HIRA: variants seen among roughly 807,000 people sequenced by gnomAD.
HIRA encodes histone cell cycle regulator.
In HIRA, 13 loss-of-function variants were observed where a neutral mutation model predicts 126.6. The ratio of observed to expected loss-of-function variants is 0.10; its 90% CI spans 0.07 to 0.16. The LOEUF (loss-of-function observed/expected upper bound fraction) is 0.16. Ranked by LOEUF, HIRA falls within the 10% of genes least tolerant of loss-of-function variation. HIRA has a pLI of 1.00. For missense variants in HIRA, 834 were observed against 1,314.4 expected, an observed-to-expected ratio of 0.63 and a Z score of 5.65; for synonymous variants, 511 against 520.0, an observed-to-expected ratio of 0.98 and a Z score of 0.24.
intron 15 of HIRA, 78 bp downstream of exon 15, chr22:19,375,553 G>C (rs1458756919): frequency 1.7e-5 from 26 of 1,491,874 alleles, no homozygotes; most frequent in Non-Finnish European, 2.4e-5. Flanking sequence ...AGGTTGCTTG[G>C]TGGGAACACT....
intron 18 of HIRA, among the ~76,000 whole-genome samples, chr22:19,358,978 C>T (rs2088838734): frequency 6.6e-6 from 1 of 152,056 alleles, no homozygotes; most frequent in Non-Finnish European, 1.5e-5. Flanking sequence ...ATCTGGGATC[C>T]AAAAAAGGAA....
At chr22:19,334,271 G>A (rs930342578) in intron 24 of HIRA, among the ~76,000 whole-genome samples, 3 of 150,558 alleles carry the variant, frequency 2.0e-5, no homozygotes, top group South Asian at 2.1e-4. Flanking sequence ...CACTGCACCC[G>A]GCCCTCATTT....
intron 14 of HIRA, among the ~76,000 whole-genome samples, chr22:19,377,656 A>G (rs933406438): frequency 3.3e-5 from 5 of 152,014 alleles, no homozygotes; most frequent in African/African-American, 1.2e-4. Flanking sequence ...GCCTTGATAC[A>G]CTCTGTGAAA....
intron 18 of HIRA, 76 bp downstream of exon 18, chr22:19,359,260 T>C: frequency 7.0e-7 from 1 of 1,432,738 alleles, no homozygotes; most frequent in Admixed American, 2.6e-5. Context: ...GCACCTCCCC[T>C]AGACAGGCCC....
intron 1 of HIRA, chr22:19,430,093 G>GTTTTAT (rs1222669063): frequency 1.3e-5 from 2 of 152,122 alleles, no homozygotes; most frequent in Non-Finnish European, 1.5e-5. Flanking sequence ...TTTCTTACCT[G>GTTTTAT]TTTTAGCCAA....
At chr22:19,344,345 C>T (rs2088663806) in intron 24 of HIRA, among the ~76,000 whole-genome samples, 1 of 152,056 alleles carries the variant, frequency 6.6e-6, no homozygotes, top group South Asian at 2.1e-4. Context: ...ACATTACAAC[C>T]AATGCCACAA....
intron 7 of HIRA, 118 bp downstream of exon 7, chr22:19,396,669 G>A (rs1181616623): frequency 4.0e-6 from 4 of 1,011,720 alleles, no homozygotes; most frequent in African/African-American, 1.6e-5. Flanking sequence ...TCAGGCCCCC[G>A]GACTCTGTGC....
chr22:19,404,734 C>T (rs1466254441), intron 5 of HIRA, among the ~76,000 whole-genome samples: 3 of 152,176 alleles, frequency 2.0e-5, no homozygotes, highest in African/African-American at 7.2e-5. Flanking sequence ...CCAGGGGCAA[C>T]TCCATTCTGA....
intron 1 of HIRA, among the ~76,000 whole-genome samples, chr22:19,425,471 C>T (rs1469492774): frequency 6.6e-6 from 1 of 152,108 alleles, no homozygotes; most frequent in Non-Finnish European, 1.5e-5. Flanking sequence ...TCCTGGTCAC[C>T]GACAGGACCC....
At chr22:19,384,872 C>T (rs1370630764) in intron 12 of HIRA, among the ~76,000 whole-genome samples, 2 of 151,136 alleles carry the variant, frequency 1.3e-5, no homozygotes, top group Admixed American at 6.6e-5. Context: ...CCAGGCTGGT[C>T]GGAACTCCTG....
intron 1 of HIRA, among the ~76,000 whole-genome samples, chr22:19,426,971 G>A (rs576539502): frequency 1.3e-5 from 2 of 152,308 alleles, no homozygotes; most frequent in Non-Finnish European, 2.9e-5. Context: ...AGAGACTCCA[G>A]AGCAGGATAT....
At chr22:19,383,571 A>C in intron 13 of HIRA, 49 bp downstream of exon 13, 1 of 1,433,074 alleles carries the variant, frequency 7.0e-7, no homozygotes, top group East Asian at 2.3e-5. Context: ...CTGAAAGAAG[A>C]CAGGAAGATC....
At chr22:19,414,548 T>C (rs1042353567) in intron 1 of HIRA, among the ~76,000 whole-genome samples, 3 of 152,210 alleles carry the variant, frequency 2.0e-5, no homozygotes, top group African/African-American at 4.8e-5. Flanking sequence ...CATGTGCATA[T>C]GTCCTTTTGG....
In HIRA at chr22:19,344,874, A is replaced by C. The variant is rs548808956; in HGVS notation, c.2937+6484T>G. ...TACATCACATTAATGAAATAAAAGA[A>C]AATTTTAAAATGACACGATCATCTT... On this transcript the variant is annotated intron_variant, in intron 24 of 24. Coordinates refer to ENST00000263208, the MANE Select transcript of HIRA (RefSeq NM_003325.4). 4.4e-4 allele frequency among the ~76,000 whole-genome samples: 67 copies of C among 152,326 alleles called. No individual in the cohort carries two copies. In the South Asian group the frequency reaches 0.014, roughly 32 times the overall value.
At chr22:19,397,408 C>T (rs1275612700) in intron 6 of HIRA, among the ~76,000 whole-genome samples, 1 of 152,212 alleles carries the variant, frequency 6.6e-6, no homozygotes, top group Non-Finnish European at 1.5e-5. Flanking sequence ...CTAAAGCTTC[C>T]CTCTCCATAG....
intron 2 of HIRA, 87 bp from the exon 3 acceptor site, chr22:19,408,680 C>T (rs1055235497): frequency 1.8e-5 from 13 of 723,406 alleles, no homozygotes; most frequent in Non-Finnish European, 3.2e-5. Flanking sequence ...TAGGAGAAGT[C>T]CTCACTTAGC....
At chr22:19,348,782 A>G (rs2088719842) in intron 24 of HIRA, among the ~76,000 whole-genome samples, 1 of 151,922 alleles carries the variant, frequency 6.6e-6, no homozygotes, top group African/African-American at 2.4e-5. Context: ...GGAGTGAGCC[A>G]CCACGCTTGG....
intron 1 of HIRA, among the ~76,000 whole-genome samples, chr22:19,428,541 ACTT>A (rs1363751346): frequency 3.3e-5 from 5 of 152,180 alleles, no homozygotes; most frequent in African/African-American, 7.2e-5. Flanking sequence ...TTCAATAAAT[ACTT>A]CTTCTCCTGT....
At chr22:19,353,238 G>A in intron 23 of HIRA, 118 bp downstream of exon 23, 1 of 1,247,484 alleles carries the variant, frequency 8.0e-7, no homozygotes, top group Non-Finnish European at 1.1e-6. Context: ...AGCTCAGGCT[G>A]GGAGGTAGAG....
Sources: gnomAD v4.1 joint callset for allele counts (sites outside exome capture counted in the v4.1 genomes callset) on GRCh38, gnomAD v4.1.1 for gene constraint, MANE v1.5 for transcripts, NCBI Gene and HGNC (gene_info 2026-07-23, HGNC 2026-07-21) for gene names.